The following BANP variants were observed in gnomAD, a reference collection of about 807,000 sequenced individuals.
BANP encodes the protein BTG3 associated nuclear protein, also known as protein BANP.
Under a neutral mutation model 68.1 loss-of-function variants are expected in BANP, and 11 were observed. The ratio of observed to expected loss-of-function variants is 0.16; its 90% CI spans 0.10 to 0.27. The LOEUF (loss-of-function observed/expected upper bound fraction) is 0.27. Ranked by LOEUF, BANP falls within the 10% of genes least tolerant of loss-of-function variation. The probability of loss-of-function intolerance (pLI) is 1.00; values close to 1 mark genes in which losing one functional copy is unlikely to be tolerated. For missense variants in BANP, 504 were observed against 722.7 expected (o/e 0.70, Z 3.47); for synonymous variants, 329 against 303.2 (o/e 1.09, Z -0.88).
intron 6 of BANP, among the ~76,000 whole-genome samples, chr16:88,014,261 T>G (rs952116869): frequency 2.0e-5 from 3 of 152,160 alleles, no homozygotes; most frequent in African/African-American, 7.2e-5. Context: ...ACGGCCAGCC[T>G]TGGGTGCACT....
rs1322572717 is a variant in BANP, at chr16:88,036,734, CAGAT to C, written c.1273-1238_1273-1235del. On this transcript the variant is annotated intron_variant, in intron 10 of 13. Transcript: ENST00000682872. This position sits in a 1 kb window ranked among gnomAD's most constrained non-coding sequence, Gnocchi z 4.2. The stretch of plus-strand genomic sequence containing the variant: ...TGACCAGGTCACTAAGAAACGTGGT[CAGAT>C]GGATGGATGGAAGGAAGCAGCAGGG... 6.6e-6 allele frequency among the ~76,000 whole-genome samples: 1 copy of C among 152,020 alleles called. No individual in the cohort carries two copies. The highest frequency in any genetic ancestry group is 1.5e-5 in the Non-Finnish European group (1 of 68,004).
intron 11 of BANP, among the ~76,000 whole-genome samples, chr16:88,045,564 C>T (rs942994015): frequency 2.6e-5 from 4 of 152,158 alleles, no homozygotes; most frequent in East Asian, 1.9e-4. Context: ...CGTTCATTCC[C>T]GGCAGAGAAG....
chr16:88,074,832 C>T (rs916695725), intron 13 of BANP, among the ~76,000 whole-genome samples: 2 of 152,148 alleles, frequency 1.3e-5, no homozygotes, highest in South Asian at 2.1e-4. Flanking sequence ...CTCATACTGA[C>T]CCCTCATCCT....
At chr16:88,021,836 A>G (rs2076089520) in intron 7 of BANP, among the ~76,000 whole-genome samples, 1 of 152,230 alleles carries the variant, frequency 6.6e-6, no homozygotes, top group Non-Finnish European at 1.5e-5. Flanking sequence ...CAACCCAGGC[A>G]GCTCACGAGG....
At chr16:87,989,454 T>C (rs1295628771) in intron 4 of BANP, among the ~76,000 whole-genome samples, 1 of 152,260 alleles carries the variant, frequency 6.6e-6, no homozygotes, top group Non-Finnish European at 1.5e-5. Context: ...TAGGTAAATG[T>C]TAACATCCTT....
At chr16:87,997,330 G>A (rs552410225) in intron 4 of BANP, among the ~76,000 whole-genome samples, 32 of 152,384 alleles carry the variant, frequency 2.1e-4, no homozygotes, top group African/African-American at 7.7e-4. Context: ...GTGAGTTGTA[G>A]CAGTGGTTGA....
chr16:88,035,317 C>T lies in BANP; in HGVS notation c.1201-6C>T, dbSNP rs747744857. 27 of 1,606,088 alleles carry T rather than the reference C, an allele frequency of 1.7e-5. No individual in the cohort carries two copies. Among genetic ancestry groups the T allele is most frequent in the Non-Finnish European group, 2.3e-5 (27 of 1,176,626 alleles). On this transcript the variant is annotated splice_region_variant and splice_polypyrimidine_tract_variant and intron_variant, in intron 9 of 13. Transcript: ENST00000682872. ...TGATGCTTCTTGGTGTCTTTTCTTG[C>T]TGCGGATCCCACAGGGACACCTCCA...
chr16:87,987,712 C>CAAAAA (rs66648819), intron 4 of BANP, among the ~76,000 whole-genome samples: 1,698 of 30,328 alleles, frequency 0.056, 344 homozygotes, highest in Admixed American at 0.088. Flanking sequence ...GACCCTAACT[C>CAAAAA]AAAAAAAAAA....
At chr16:88,073,418 A>G (rs1477621357) in intron 13 of BANP, among the ~76,000 whole-genome samples, 2 of 151,834 alleles carry the variant, frequency 1.3e-5, no homozygotes, top group Non-Finnish European at 2.9e-5. Context: ...TACTCTGCCC[A>G]TGGGCGCGGT....
At chr16:88,013,288 T>C (rs1423150276) in intron 6 of BANP, among the ~76,000 whole-genome samples, 1 of 152,234 alleles carries the variant, frequency 6.6e-6, no homozygotes, top group Non-Finnish European at 1.5e-5. Flanking sequence ...CTGTGAGGAC[T>C]GAGGAAATGA....
chr16:88,072,782 G>A (rs1057182650), intron 13 of BANP, among the ~76,000 whole-genome samples: 1 of 152,230 alleles, frequency 6.6e-6, no homozygotes, highest in South Asian at 2.1e-4. Flanking sequence ...TGATGCCGTG[G>A]GCTGTTTGCT....
chr16:87,956,558 T>G (rs1215327092), intron 1 of BANP: 1 of 152,172 alleles, frequency 6.6e-6, no homozygotes, highest in East Asian at 1.9e-4. Context: ...AAGCTACACT[T>G]GTTTTGTTCT....
At chr16:87,972,461 T>C (rs914586601) in intron 1 of BANP, among the ~76,000 whole-genome samples, 6 of 129,666 alleles carry the variant, frequency 4.6e-5, no homozygotes, top group African/African-American at 2.2e-4. Context: ...TTGGGGGATA[T>C]ATGTTTCTAG....
intron 7 of BANP, among the ~76,000 whole-genome samples, chr16:88,019,304 C>T (rs1455291583): frequency 6.6e-6 from 1 of 152,156 alleles, no homozygotes; most frequent in Non-Finnish European, 1.5e-5. Context: ...GGTCCATTTG[C>T]TCCACAGAGC....
At chr16:88,049,679 C>G (rs6540160) in intron 11 of BANP, among the ~76,000 whole-genome samples, 47,209 of 151,928 alleles carry the variant, frequency 0.31, 7,838 homozygotes, top group East Asian at 0.47. Context: ...AGGGACAAAA[C>G]CAGTATCTCT....
intron 11 of BANP, among the ~76,000 whole-genome samples, chr16:88,063,512 G>A (rs2087520766): frequency 1.3e-5 from 2 of 152,236 alleles, no homozygotes; most frequent in Admixed American, 6.5e-5. Context: ...CTCTCAGCCC[G>A]TCTGTGGGGT....
chr16:88,024,045 G>A (rs1354319735), intron 7 of BANP, among the ~76,000 whole-genome samples: 1 of 152,218 alleles, frequency 6.6e-6, no homozygotes, highest in Non-Finnish European at 1.5e-5. Context: ...TGTTCTCCTT[G>A]TGTCCTGGGC....
intron 2 of BANP, among the ~76,000 whole-genome samples, chr16:87,975,488 C>G (rs562401171): frequency 6.6e-6 from 1 of 152,114 alleles, no homozygotes; most frequent in Non-Finnish European, 1.5e-5. Flanking sequence ...TCCCTGTGTG[C>G]GGCGTCGTGG....
intron 2 of BANP, among the ~76,000 whole-genome samples, chr16:87,979,778 C>T (rs2062910768): frequency 6.6e-6 from 1 of 152,128 alleles, no homozygotes; most frequent in Non-Finnish European, 1.5e-5. Context: ...TATATACTGG[C>T]ATTCATTTTT....
Sources: allele counts gnomAD v4.1 joint callset (sites outside exome capture counted in the v4.1 genomes callset), GRCh38; gene constraint gnomAD v4.1.1; non-coding constraint Gnocchi (gnomAD v3.1); transcripts MANE v1.5; gene names NCBI Gene and HGNC (gene_info 2026-07-23, HGNC 2026-07-21).